CRAT: variants seen among roughly 807,000 people sequenced by gnomAD.
CRAT encodes carnitine O-acetyltransferase.
In CRAT, 66 loss-of-function variants were observed where a neutral mutation model predicts 73.7. The ratio of observed to expected loss-of-function variants is 0.90; its 90% confidence interval spans 0.73 to 1.10. The LOEUF (loss-of-function observed/expected upper bound fraction) is 1.10, where lower values mean the gene tolerates loss of function less well. Ranked by LOEUF, CRAT falls within the 50% of genes least tolerant of loss-of-function variation. The pLI is 0.00. For synonymous variants in CRAT, 321 were observed against 343.2 expected, an observed-to-expected ratio of 0.94 and a Z score of 0.71; for missense variants, 745 against 846.9, an observed-to-expected ratio of 0.88 and a Z score of 1.49.
intron 11 of CRAT, 40 bp downstream of exon 11, chr9:129,097,973 C>T: frequency 1.2e-6 from 2 of 1,602,914 alleles, no homozygotes; most frequent in Non-Finnish European, 1.7e-6. Flanking sequence ...GAGGGAGGGG[C>T]TCAGGCCCAG....
rs1462150794 is a variant in CRAT at position 129,110,251 on chromosome 9, T to C, written c.27+232A>G. Reference sequence around the variant, plus strand: ...CTAACTGAAGCCGGGGTCCCCCTTGTCTTTCCTGGGTCGTTGGAACTGAAT... The same window carrying C: ...CTAACTGAAGCCGGGGTCCCCCTTGCCTTTCCTGGGTCGTTGGAACTGAAT... On this transcript the variant is annotated intron_variant, in intron 1 of 13. Coordinates refer to ENST00000318080, the MANE Select transcript of CRAT (RefSeq NM_000755.5). The surrounding 1 kb of genome is among the most constrained non-coding windows in gnomAD (Gnocchi z 5.3). 6.6e-6 allele frequency among the ~76,000 whole-genome samples: 1 copy of C among 152,190 alleles called. No individual in the cohort carries two copies. The highest frequency in any genetic ancestry group is 2.4e-5 in the African/African-American group (1 of 41,460).
At chr9:129,097,705 T>C in intron 11 of CRAT, 1 of 301,884 alleles carries the variant, frequency 3.3e-6, no homozygotes, top group South Asian at 4.6e-5. Context: ...TGAGACTCTT[T>C]CTAAAAAAAA....
At chr9:129,098,815 T>C (rs1205264496) in intron 8 of CRAT, among the ~76,000 whole-genome samples, 165 bp from the exon 9 acceptor site, 4 of 40,482 alleles carry the variant, frequency 9.9e-5, no homozygotes, top group African/African-American at 2.7e-4. Flanking sequence ...TTTTCTTTTT[T>C]CTTTTTTTTT....
chr9:129,105,097 G>A (rs924948064), intron 2 of CRAT, among the ~76,000 whole-genome samples: 4 of 149,754 alleles, frequency 2.7e-5, no homozygotes, highest in Admixed American at 6.7e-5. Context: ...AGTAGAGACG[G>A]GGTTTCACCG....
At chr9:129,098,793 A>C (rs1588444880) in intron 8 of CRAT, 143 bp from the exon 9 acceptor site, 21 of 880,390 alleles carry the variant, frequency 2.4e-5, no homozygotes, top group Non-Finnish European at 3.0e-5. Context: ...AACCACCCTC[A>C]CTTCAGCTTT....
intron 13 of CRAT, 32 bp from the exon 14 acceptor site, chr9:129,095,644 C>G (rs756305322): frequency 6.3e-7 from 1 of 1,596,522 alleles, no homozygotes; most frequent in African/African-American, 1.3e-5. Flanking sequence ...CTCTCAGCTC[C>G]CCTACCTTGA....
At position 129,098,274 on chromosome 9, in the gene CRAT, T is replaced by C; in HGVS notation, c.1303A>G (p.Met435Val). Residue 435 changes from methionine (M) to valine (V), a missense_variant, in exon 10 of 14, where the codon ATG (methionine) becomes GTG (valine). Transcript: ENST00000318080. ...CTGTAGTAGGCCAGCTGCAAAGCCA[T>C]CTGGATGAAGGCATCTGGGCTTAGC... Reference protein sequence around the residue: ...EKLSPDAFIQMALQLAYYRIY... With the variant: ...EKLSPDAFIQVALQLAYYRIY... The C allele has an allele frequency of 6.2e-7, 1 of 1,613,938 alleles. No individual in the cohort carries two copies. Among genetic ancestry groups the C allele is most frequent in the Non-Finnish European group, 8.5e-7 (1 of 1,180,030 alleles).
rs1036712185 is a variant in CRAT at position 129,103,540 on chromosome 9, C to T, written c.411-474G>A. ...TAGGTCCCTTCCCCACTCTGGGCCT[C>T]TGTGTCCCCCAGGCCGCCTTCCTCC... On this transcript the variant is annotated intron_variant, in intron 3 of 13. Coordinates refer to ENST00000318080, the MANE Select transcript of CRAT (RefSeq NM_000755.5). This position sits in a 1 kb window ranked among gnomAD's most constrained non-coding sequence, Gnocchi z 4.6. Among the ~76,000 whole-genome samples, 1 of 152,176 alleles carries T rather than the reference C, an allele frequency of 6.6e-6. No individual in the cohort carries two copies. Among genetic ancestry groups the T allele is most frequent in the Non-Finnish European group, 1.5e-5 (1 of 68,016 alleles).
rs1480804627 is a variant in CRAT, at chr9:129,107,965, A to G, written c.140T>C (p.Leu47Pro). 2 of 1,606,712 alleles carry G rather than the reference A, an allele frequency of 1.2e-6. No individual in the cohort carries two copies. The highest frequency in any genetic ancestry group is 1.7e-6 in the Non-Finnish European group (2 of 1,178,578). ...CTGCAGCGCCTTCAGGTAGTGGTCCAGGGACTGCTGGAGAGGGGGCACGGG... is the reference window on the plus strand; with the variant it reads ...CTGCAGCGCCTTCAGGTAGTGGTCCGGGGACTGCTGGAGAGGGGGCACGGG... ...RLPVPPLQQS[L>P]DHYLKALQPI... Residue 47 changes from leucine to proline, a missense_variant, in exon 2 of 14, where the codon CTG (leucine) becomes CCG (proline). Coordinates refer to ENST00000318080, the MANE Select transcript of CRAT (RefSeq NM_000755.5). The surrounding 1 kb of genome is among the most constrained non-coding windows in gnomAD (Gnocchi z 5.0).
chr9:129,107,546 C>G lies in CRAT; in HGVS notation c.291+268G>C. 1 of 658,550 alleles carries G rather than the reference C, an allele frequency of 1.5e-6. No individual in the cohort carries two copies. The highest frequency in any genetic ancestry group is 2.8e-6 in the Non-Finnish European group (1 of 358,110). 40.8% of individuals were successfully genotyped at this position (658,550 alleles called of 1,614,324 possible). ...ATCTGGTTGTACCTGCCGTGCACCC[C>G]ACTCCTGCCTCTGTCCTGGAACATG... On this transcript the variant is annotated intron_variant, in intron 2 of 13. Transcript: ENST00000318080. This position sits in a 1 kb window ranked among gnomAD's most constrained non-coding sequence, Gnocchi z 5.0.
At position 129,100,513 on chromosome 9, in the gene CRAT, G is replaced by C; in HGVS notation, c.982C>G (p.Gln328Glu). ...SGNRWFDKTL[Q>E]FIVAEDGSCG... Reference sequence around the variant, plus strand: ...GGCGAAGCCCTGCCGGGCCTCACCTGCAGCGTCTTGTCGAACCAGCGGTTG... The same window carrying C: ...GGCGAAGCCCTGCCGGGCCTCACCTCCAGCGTCTTGTCGAACCAGCGGTTG... The change falls in exon 7 of 14, where the codon CAG (glutamine) becomes GAG (glutamate). Residue 328 changes from glutamine to glutamate, a missense_variant and splice_region_variant. By Grantham distance (29) the Gln-to-Glu change is conservative. Transcript: ENST00000318080. The C allele has an allele frequency of 6.2e-7, 1 of 1,612,396 alleles. No individual in the cohort carries two copies. Among genetic ancestry groups the C allele is most frequent in the African/African-American group, 1.3e-5 (1 of 75,070 alleles).
At position 129,110,155 on chromosome 9, in the gene CRAT, G is replaced by A. The variant is rs1848319987; in HGVS notation, c.27+328C>T. Among the ~76,000 whole-genome samples the A allele has an allele frequency of 6.6e-6, 1 of 152,152 alleles. No homozygotes were observed. The highest frequency in any genetic ancestry group is 2.4e-5 in the African/African-American group (1 of 41,438). On this transcript the variant is annotated intron_variant, in intron 1 of 13. Transcript: ENST00000318080. The surrounding 1 kb of genome is among the most constrained non-coding windows in gnomAD (Gnocchi z 5.3). Reference sequence around the variant, plus strand: ...TGTCAATCGGAGAATAACTGGGAGAGTGAGCTAGGGTCTGGATGCTCCTGG... The same window carrying A: ...TGTCAATCGGAGAATAACTGGGAGAATGAGCTAGGGTCTGGATGCTCCTGG...
chr9:129,109,329 G>A (rs994761814), intron 1 of CRAT: 2 of 1,252,768 alleles, frequency 1.6e-6, no homozygotes, highest in Non-Finnish European at 1.1e-6. Flanking sequence ...GGCCATCAGT[G>A]GATGGGACAG....
Position 129,102,150 on chromosome 9 carries a change from G to A in CRAT, c.631-93C>T, listed in dbSNP as rs551010768. ...CCCACACCTGCCTCCTCCTGGCCTT[G>A]GCCTTGGAGGGGATGGAGTCAGGCC... On this transcript the variant is annotated intron_variant, in intron 5 of 13. Coordinates refer to ENST00000318080, the MANE Select transcript of CRAT (RefSeq NM_000755.5). 9.4e-5 allele frequency: 133 copies of A among 1,409,578 alleles called. 1 individual carries two copies. In the African/African-American group the frequency reaches 1.8e-3, roughly 19 times the overall value. The allele number at this position is 1,409,578 out of a possible 1,614,324, so 87.3% of individuals were successfully genotyped here.
Position 129,106,785 on chromosome 9 carries a change from A to G in CRAT, c.291+1029T>C, listed in dbSNP as rs1196679047. Reference sequence around the variant, plus strand: ...CACCCCCTATAACACAGCATTTCCCAGGGCCGGACCCGCTCTGGCTCTCCC... The same window carrying G: ...CACCCCCTATAACACAGCATTTCCCGGGGCCGGACCCGCTCTGGCTCTCCC... On this transcript the variant is annotated intron_variant, in intron 2 of 13. Coordinates refer to ENST00000318080, the MANE Select transcript of CRAT (RefSeq NM_000755.5). This position sits in a 1 kb window ranked among gnomAD's most constrained non-coding sequence, Gnocchi z 4.0. 1.3e-5 allele frequency among the ~76,000 whole-genome samples: 2 copies of G among 151,640 alleles called. No individual in the cohort carries two copies. The highest frequency in any genetic ancestry group is 2.9e-5 in the Non-Finnish European group (2 of 67,936).
chr9:129,107,367 G>A lies in CRAT; in HGVS notation c.291+447C>T. Reference sequence around the variant, plus strand: ...AAATCTGTGTATTGAAGTATGAGATGCAAATAGAAAAGCACACCAAACATT... The same window carrying A: ...AAATCTGTGTATTGAAGTATGAGATACAAATAGAAAAGCACACCAAACATT... On this transcript the variant is annotated intron_variant, in intron 2 of 13. Transcript: ENST00000318080. This position sits in a 1 kb window ranked among gnomAD's most constrained non-coding sequence, Gnocchi z 5.0. 1.9e-6 allele frequency: 1 copy of A among 524,566 alleles called. No homozygotes were observed. The highest frequency in any genetic ancestry group is 2.5e-5 in the South Asian group (1 of 40,202). 32.5% of individuals were successfully genotyped at this position (524,566 alleles called of 1,614,324 possible).
At chr9:129,100,804 T>C in intron 6 of CRAT, 115 bp from the exon 7 acceptor site, 3 of 1,258,116 alleles carry the variant, frequency 2.4e-6, no homozygotes. Flanking sequence ...TGTACCTCTC[T>C]GGGATGAGGA....
At position 129,098,350 on chromosome 9, in the gene CRAT, G is replaced by A. The variant is rs1361731414; in HGVS notation, c.1227C>T (p.Ile409=). ...NLSIMIQDLD[I]TVMVFHHFGK... is the part of the protein sequence containing the mutation. ...CAAAATGGTGGAACACCATCACGGT[G>A]ATATCCAGGTCCTGGATCATGCTGG... is the stretch of plus-strand genomic sequence containing the variant. The change falls in exon 10 of 14, where the codon ATC becomes ATT. Residue 409 remains isoleucine (I), a synonymous_variant. Transcript: ENST00000318080. 2 of 1,613,918 alleles carry A rather than the reference G, an allele frequency of 1.2e-6. No individual in the cohort carries two copies. Among genetic ancestry groups the A allele is most frequent in the South Asian group, 1.1e-5 (1 of 91,082 alleles).
chr9:129,107,899 AG>A lies in CRAT; in HGVS notation c.205del (p.Leu69TrpfsTer11). 2.5e-6 allele frequency: 4 copies of A among 1,611,486 alleles called. No individual in the cohort carries two copies. The highest frequency in any genetic ancestry group is 3.4e-6 in the Non-Finnish European group (4 of 1,179,876). On this transcript the variant is annotated frameshift_variant, in exon 2 of 14. Coordinates refer to ENST00000318080, the MANE Select transcript of CRAT (RefSeq NM_000755.5). LOFTEE classifies it high-confidence loss of function. The surrounding 1 kb of genome is among the most constrained non-coding windows in gnomAD (Gnocchi z 5.0). The part of the protein sequence containing the change: ...SEEEWAHTKQ[L>X]VDEFQASGGV... ...TCCTGAGGCCTGAAACTCATCCACC[AG>A]CTGCTTGGTGTGGGCCCACTCCTCC...
Sources: allele counts gnomAD v4.1 joint callset (sites outside exome capture counted in the v4.1 genomes callset), GRCh38; gene constraint gnomAD v4.1.1; non-coding constraint Gnocchi (gnomAD v3.1); transcripts MANE v1.5; gene names NCBI Gene and HGNC (gene_info 2026-07-23, HGNC 2026-07-21).